DCLK2: variants seen among roughly 807,000 people sequenced by gnomAD.
DCLK2 encodes doublecortin like kinase 2, also known as serine/threonine-protein kinase DCLK2.
DCLK2 carries 31 observed loss-of-function variants against 78.4 expected under a neutral mutation model. That is an observed-to-expected ratio of 0.40 (90% confidence interval 0.30 to 0.53). The LOEUF (loss-of-function observed/expected upper bound fraction) is 0.53. Ranked by LOEUF, DCLK2 falls within the 20% of genes least tolerant of loss-of-function variation. The pLI is 0.61. For synonymous variants in DCLK2, 407 were observed against 374.9 expected, an observed-to-expected ratio of 1.09 and a Z score of -0.99; for missense variants, 872 against 973.7, an observed-to-expected ratio of 0.90 and a Z score of 1.39.
intron 2 of DCLK2, among the ~76,000 whole-genome samples, chr4:150,183,369 C>T (rs1400967215): frequency 3.9e-5 from 6 of 152,174 alleles, no homozygotes; most frequent in Admixed American, 6.5e-5. Flanking sequence ...GTTGCAGTAG[C>T]AGATTTCACA....
intron 1 of DCLK2, among the ~76,000 whole-genome samples, chr4:150,096,790 G>A (rs1189438320): frequency 2.0e-5 from 3 of 152,208 alleles, no homozygotes; most frequent in African/African-American, 7.2e-5. Context: ...AGCCCAGGGA[G>A]CACAAGTGAT....
At chr4:150,134,833 GTTGT>G (rs781483633) in intron 2 of DCLK2, among the ~76,000 whole-genome samples, 33 of 152,064 alleles carry the variant, frequency 2.2e-4, no homozygotes, top group Admixed American at 4.6e-4. Context: ...TGTTGTTGTT[GTTGT>G]TTGTTTGTTT....
intron 8 of DCLK2, among the ~76,000 whole-genome samples, chr4:150,231,195 T>G (rs1055687831): frequency 6.6e-6 from 1 of 152,230 alleles, no homozygotes; most frequent in African/African-American, 2.4e-5. Context: ...TTTCCAAGGA[T>G]AAAGTGTTCA....
intron 5 of DCLK2, among the ~76,000 whole-genome samples, chr4:150,213,272 G>A (rs1426366343): frequency 6.6e-6 from 1 of 152,200 alleles, no homozygotes; most frequent in Non-Finnish European, 1.5e-5. Context: ...TTCAGGCAGT[G>A]GATTCTATTT....
chr4:150,201,490 A>G (rs907894442), intron 4 of DCLK2, among the ~76,000 whole-genome samples: 8 of 152,200 alleles, frequency 5.3e-5, no homozygotes, highest in Non-Finnish European at 5.9e-5. Flanking sequence ...AGGGGACTAT[A>G]TGTGATTAGT....
At chr4:150,189,339 C>T (rs1560849719) in intron 2 of DCLK2, among the ~76,000 whole-genome samples, 1 of 151,952 alleles carries the variant, frequency 6.6e-6, no homozygotes, top group Non-Finnish European at 1.5e-5. Context: ...GTAGACATAA[C>T]TGACTATAAA....
In DCLK2 at chr4:150,079,227, C is replaced by G. The variant is rs1451562829; in HGVS notation, c.200C>G (p.Ser67Trp). Residue 67 changes from serine to tryptophan, a missense_variant, in exon 1 of 16, where the codon TCG (serine) becomes TGG (tryptophan). Physicochemically the swap from Ser to Trp is radical, Grantham distance 177. Coordinates refer to ENST00000296550, the MANE Select transcript of DCLK2 (RefSeq NM_001040260.4). ...ACGCGGACCCTGCAGGCCCTCAGCT[C>G]GGAGAAGAAGGCCAAGAAGGCGCGC... ...YRTRTLQALS[S>W]EKKAKKARFY... The G allele has an allele frequency of 1.9e-6, 3 of 1,610,752 alleles. No individual in the cohort carries two copies. The highest frequency in any genetic ancestry group is 3.4e-5 in the Admixed American group (2 of 59,652).
chr4:150,162,678 C>T (rs1398671726), intron 2 of DCLK2, among the ~76,000 whole-genome samples: 1 of 151,628 alleles, frequency 6.6e-6, no homozygotes, highest in Admixed American at 6.6e-5. Flanking sequence ...ACTCTGTGGC[C>T]CAGGCTGGTC....
chr4:150,130,274 A>G (rs1733209529), intron 2 of DCLK2, among the ~76,000 whole-genome samples: 1 of 148,116 alleles, frequency 6.8e-6, no homozygotes, highest in Admixed American at 6.6e-5. Context: ...TCTAAAACAC[A>G]TAATGAGAGA....
intron 10 of DCLK2, among the ~76,000 whole-genome samples, chr4:150,239,055 C>T (rs1580778089): frequency 6.6e-6 from 1 of 152,134 alleles, no homozygotes; most frequent in African/African-American, 2.4e-5. Context: ...GTACATCACA[C>T]ATAGTAAATG....
chr4:150,211,523 C>T (rs886559460), intron 5 of DCLK2, among the ~76,000 whole-genome samples: 6 of 152,126 alleles, frequency 3.9e-5, no homozygotes, highest in Non-Finnish European at 8.8e-5. Flanking sequence ...GCCTTCTCTC[C>T]ATTTTCATCT....
intron 2 of DCLK2, among the ~76,000 whole-genome samples, chr4:150,136,178 G>A (rs562717393): frequency 7.9e-5 from 12 of 152,204 alleles, no homozygotes; most frequent in Non-Finnish European, 1.5e-4. Flanking sequence ...AATTCCAGAG[G>A]TTGATGTATG....
In DCLK2 at chr4:150,078,974, G is replaced by T; in HGVS notation, c.-54G>T. The stretch of plus-strand genomic sequence containing the variant: ...GTCAGACGTCCCTGCACCGGCGCTC[G>T]CACCCTTAGTCGGCCCGGAACGTCT... On this transcript the variant is annotated 5_prime_UTR_variant, in exon 1 of 16. Transcript: ENST00000296550. The T allele has an allele frequency of 2.7e-6, 4 of 1,481,138 alleles. No homozygotes were observed. Among genetic ancestry groups the T allele is most frequent in the Non-Finnish European group, 3.6e-6 (4 of 1,117,134 alleles). 91.7% of individuals were successfully genotyped at this position (1,481,138 alleles called of 1,614,324 possible).
chr4:150,079,692 T>C (rs1358238440), intron 1 of DCLK2, among the ~76,000 whole-genome samples: 1 of 151,782 alleles, frequency 6.6e-6, no homozygotes, highest in Non-Finnish European at 1.5e-5. Flanking sequence ...GTCAGGCCAA[T>C]TTAGGCACTG....
chr4:150,103,572 T>G (rs1405410722), intron 2 of DCLK2, among the ~76,000 whole-genome samples: 1 of 145,084 alleles, frequency 6.9e-6, no homozygotes, highest in Non-Finnish European at 1.5e-5. Flanking sequence ...TTACATTGTA[T>G]TAAAATTATA....
At chr4:150,093,631 C>T (rs914668648) in intron 1 of DCLK2, among the ~76,000 whole-genome samples, 2 of 152,224 alleles carry the variant, frequency 1.3e-5, no homozygotes, top group Non-Finnish European at 2.9e-5. Flanking sequence ...ATCCACCCAC[C>T]TTGGGCTCCC....
rs1736547855 is a variant in DCLK2, at chr4:150,171,758, T to C, written c.757-21380T>C. On this transcript the variant is annotated intron_variant, in intron 2 of 15. Coordinates refer to ENST00000296550, the MANE Select transcript of DCLK2 (RefSeq NM_001040260.4). The stretch of plus-strand genomic sequence containing the variant: ...TTGGCTACCGCATAAAATTTGTGCT[T>C]GGAAATAGTGTCAAATAGCATTACC... Among the ~76,000 whole-genome samples the C allele has an allele frequency of 1.3e-5, 2 of 152,174 alleles. 1 individual carries two copies. The highest frequency in any genetic ancestry group is 4.1e-4 in the South Asian group (2 of 4,826).
At chr4:150,195,921 G>C (rs1310760657) in intron 3 of DCLK2, among the ~76,000 whole-genome samples, 1 of 152,056 alleles carries the variant, frequency 6.6e-6, no homozygotes, top group Non-Finnish European at 1.5e-5. Context: ...CTGTCACATA[G>C]TAATATGCGT....
At chr4:150,223,900 C>T (rs1420079553) in intron 7 of DCLK2, among the ~76,000 whole-genome samples, 2 of 152,006 alleles carry the variant, frequency 1.3e-5, no homozygotes, top group African/African-American at 4.8e-5. Flanking sequence ...TAATGAAAGT[C>T]AGGGGACTTT....
Sources: allele counts gnomAD v4.1 joint callset (sites outside exome capture counted in the v4.1 genomes callset), GRCh38; gene constraint gnomAD v4.1.1; transcripts MANE v1.5; gene names NCBI Gene and HGNC (gene_info 2026-07-23, HGNC 2026-07-21).